Variants in SLC41A2 observed in about 807,000 individuals in gnomAD.
SLC41A2 encodes the protein solute carrier family 41 member 2, also known as SLC41A1-like 1.
A neutral mutation model predicts 58.3 loss-of-function variants in SLC41A2; 32 were observed. That is an observed-to-expected ratio of 0.55 (90% CI 0.41 to 0.74). The LOEUF (loss-of-function observed/expected upper bound fraction) is 0.74, where lower values mean the gene tolerates loss of function less well. Ranked by LOEUF, SLC41A2 falls within the 30% of genes least tolerant of loss-of-function variation. The pLI is 0.00. For missense variants in SLC41A2, 514 were observed against 680.6 expected (o/e 0.76, Z 2.72); for synonymous variants, 190 against 235.0 (o/e 0.81, Z 1.75).
chr12:104,874,196 C>T (rs907505363), intron 6 of SLC41A2, among the ~76,000 whole-genome samples: 4 of 151,756 alleles, frequency 2.6e-5, no homozygotes, highest in African/African-American at 9.7e-5. Flanking sequence ...GCCTCAGCCT[C>T]CCGAGTAGCT....
chr12:104,806,254 C>T (rs1163313058), intron 10 of SLC41A2, among the ~76,000 whole-genome samples: 1 of 151,930 alleles, frequency 6.6e-6, no homozygotes, highest in Non-Finnish European at 1.5e-5. Flanking sequence ...GTGATGTTCC[C>T]CTTCCCGTGT....
intron 8 of SLC41A2, among the ~76,000 whole-genome samples, chr12:104,847,603 C>CAAAAAAAA (rs61636915): frequency 1.2e-5 from 1 of 86,400 alleles, no homozygotes. Context: ...GACTCTGTCT[C>CAAAAAAAA]AAAAAAAAAA....
intron 1 of SLC41A2, among the ~76,000 whole-genome samples, chr12:104,945,140 A>C (rs2047663403): frequency 6.6e-6 from 1 of 151,934 alleles, no homozygotes; most frequent in Non-Finnish European, 1.5e-5. Flanking sequence ...ACTGCACTCC[A>C]GCCTGGGCAA....
At chr12:104,813,532 C>T (rs1424850935) in intron 10 of SLC41A2, among the ~76,000 whole-genome samples, 1 of 152,016 alleles carries the variant, frequency 6.6e-6, no homozygotes, top group Admixed American at 6.6e-5. Context: ...AAATAAATAG[C>T]TAAAGGAGCT....
At position 104,854,570 on chromosome 12, in the gene SLC41A2, CA is replaced by C. The variant is rs368169411; in HGVS notation, c.1255+6720del. Among the ~76,000 whole-genome samples the C allele has an allele frequency of 5.3e-4, 75 of 140,918 alleles. 1 individual carries two copies. The highest frequency in any genetic ancestry group is 1.2e-3 in the African/African-American group (47 of 37,824). The allele number at this position is 140,918 out of a possible 152,430, so 92.4% of individuals were successfully genotyped here. On this transcript the variant is annotated intron_variant, in intron 8 of 10. Transcript: ENST00000258538. ...AGAGCCAGACTCCGTCTCAAAAAAA[CA>C]AAAAAAAAAAAACACCGCCTTAGAT...
chr12:104,906,086 A>T (rs1334960555), intron 3 of SLC41A2, among the ~76,000 whole-genome samples: 1 of 152,198 alleles, frequency 6.6e-6, no homozygotes, highest in Non-Finnish European at 1.5e-5. Context: ...TCAAGACTAC[A>T]TAAAAGTTTT....
intron 1 of SLC41A2, among the ~76,000 whole-genome samples, chr12:104,938,388 C>A (rs76737123): frequency 1.3e-5 from 2 of 152,116 alleles, no homozygotes; most frequent in Non-Finnish European, 2.9e-5. Flanking sequence ...CGTTATTGGT[C>A]CCCTCCTACA....
At chr12:104,838,508 G>A (rs563427195) in intron 10 of SLC41A2, among the ~76,000 whole-genome samples, 25 of 152,218 alleles carry the variant, frequency 1.6e-4, no homozygotes, top group African/African-American at 6.0e-4. Context: ...CCTAGTGAAA[G>A]TAATAGCAAA....
At chr12:104,868,034 A>G (rs566826087) in intron 6 of SLC41A2, among the ~76,000 whole-genome samples, 1 of 152,028 alleles carries the variant, frequency 6.6e-6, no homozygotes, top group African/African-American at 2.4e-5. Context: ...CATCTTTAAA[A>G]TAATTATACT....
chr12:104,956,661 AGACT>A (rs746753466), intron 1 of SLC41A2, among the ~76,000 whole-genome samples: 27 of 152,272 alleles, frequency 1.8e-4, no homozygotes, highest in Non-Finnish European at 3.4e-4. Flanking sequence ...CCTGGGTGAC[AGACT>A]GAGAGTCAGT....
In SLC41A2 at chr12:104,805,069, G is replaced by A. The variant is rs12298260; in HGVS notation, c.*83C>T. ...TTACCCTGGCAAAAGTCAAACTACTGATTTAAGAGTTTTGAAAAAGAGCCA... is the reference window on the plus strand; with the variant it reads ...TTACCCTGGCAAAAGTCAAACTACTAATTTAAGAGTTTTGAAAAAGAGCCA... On this transcript the variant is annotated 3_prime_UTR_variant, in exon 11 of 11. Transcript: ENST00000258538. 5,227 of 1,225,156 alleles carry A rather than the reference G, an allele frequency of 4.3e-3. 160 individuals are homozygous for A. The African/African-American group carries it at 0.07, about 16-fold the overall frequency. 75.9% of individuals were successfully genotyped at this position (1,225,156 alleles called of 1,614,324 possible).
Position 104,805,183 on chromosome 12 carries a change from A to G in SLC41A2, c.1691T>C (p.Ile564Thr), listed in dbSNP as rs772595383. Residue 564 changes from isoleucine (I) to threonine (T), a missense_variant, in exon 11 of 11, where the codon ATT (isoleucine) becomes ACT (threonine). Physicochemically the swap from Ile to Thr is moderately conservative, Grantham distance 89. Coordinates refer to ENST00000258538, the MANE Select transcript of SLC41A2 (RefSeq NM_001352171.3). ...TCCAACATCTCCATCTCGATCTCCA[A>G]TAAGCCAAAGAAAATGAAAACTTAA... ...LALSFHFLWLIGDRDGDVGD is the reference protein window; with the variant it reads ...LALSFHFLWLTGDRDGDVGD The G allele has an allele frequency of 4.3e-6, 7 of 1,612,950 alleles. No individual in the cohort carries two copies. In the South Asian group the frequency reaches 7.7e-5, roughly 18 times the overall value.
chr12:104,808,571 G>T (rs2041029476), intron 10 of SLC41A2, among the ~76,000 whole-genome samples: 1 of 152,180 alleles, frequency 6.6e-6, no homozygotes, highest in South Asian at 2.1e-4. Flanking sequence ...TCAGGATGAT[G>T]CTGGCCTCAT....
At chr12:104,821,190 T>C (rs774135376) in intron 10 of SLC41A2, among the ~76,000 whole-genome samples, 3 of 152,176 alleles carry the variant, frequency 2.0e-5, no homozygotes, top group Admixed American at 6.5e-5. Context: ...TATGTAGATA[T>C]GTATTTTACA....
chr12:104,883,303 C>A (rs1300000433), intron 6 of SLC41A2, among the ~76,000 whole-genome samples: 1 of 152,166 alleles, frequency 6.6e-6, no homozygotes, highest in Non-Finnish European at 1.5e-5. Context: ...TATTACCAAT[C>A]TTCTGAAGCC....
At chr12:104,806,766 G>A (rs1301524629) in intron 10 of SLC41A2, among the ~76,000 whole-genome samples, 2 of 151,942 alleles carry the variant, frequency 1.3e-5, no homozygotes, top group Non-Finnish European at 2.9e-5. Context: ...TCTAACTGGT[G>A]TGAGATGTTA....
intron 10 of SLC41A2, among the ~76,000 whole-genome samples, chr12:104,812,230 C>T (rs2041205359): frequency 6.6e-6 from 1 of 152,172 alleles, no homozygotes; most frequent in Non-Finnish European, 1.5e-5. Flanking sequence ...AACAGCCCAC[C>T]CCTACTTCCA....
intron 6 of SLC41A2, among the ~76,000 whole-genome samples, chr12:104,884,833 T>C (rs2044577498): frequency 6.6e-6 from 1 of 152,232 alleles, no homozygotes; most frequent in Non-Finnish European, 1.5e-5. Context: ...TATCCAACTG[T>C]CTGGCTGAGA....
intron 10 of SLC41A2, among the ~76,000 whole-genome samples, chr12:104,826,655 C>A (rs541746791): frequency 1.7e-4 from 26 of 152,278 alleles, no homozygotes; most frequent in African/African-American, 6.0e-4. Context: ...CCAACAGATG[C>A]CCAGTGAATT....
Sources: allele counts gnomAD v4.1 joint callset (sites outside exome capture counted in the v4.1 genomes callset), GRCh38; gene constraint gnomAD v4.1.1; transcripts MANE v1.5; gene names NCBI Gene and HGNC (gene_info 2026-07-23, HGNC 2026-07-21).